Variants in NAT9 observed in about 807,000 individuals in gnomAD.
NAT9 encodes N-acetyltransferase 9.
Under a neutral mutation model 24.0 loss-of-function variants are expected in NAT9, and 18 were observed. That is an observed-to-expected ratio of 0.75 (90% CI 0.52 to 1.11). The LOEUF (loss-of-function observed/expected upper bound fraction) is 1.11. Among genes scored for constraint, NAT9 ranks in the 50% most tolerant of loss-of-function variants. The pLI is 0.00. For missense variants in NAT9, 254 were observed against 258.6 expected, an observed-to-expected ratio of 0.98 and a Z score of 0.12; for synonymous variants, 104 against 102.3, an observed-to-expected ratio of 1.02 and a Z score of -0.10.
intron 5 of NAT9, 23 bp downstream of exon 5, chr17:74,772,195 A>G: frequency 6.2e-7 from 1 of 1,614,136 alleles, no homozygotes. Flanking sequence ...CACTTCCCGC[A>G]TTGTCTGCTC....
intron 4 of NAT9, 112 bp from the exon 5 acceptor site, chr17:74,772,389 T>C: frequency 6.8e-7 from 1 of 1,478,058 alleles, no homozygotes; most frequent in Non-Finnish European, 9.1e-7. Flanking sequence ...CTACTATCAT[T>C]ACCATTCTGC....
At position 74,772,201 on chromosome 17, in the gene NAT9, T is replaced by A. The variant is rs375802839; in HGVS notation, c.394+17A>T. The A allele has an allele frequency of 2.2e-5, 35 of 1,614,126 alleles. No homozygotes were observed. The highest frequency in any genetic ancestry group is 2.9e-5 in the Non-Finnish European group (34 of 1,180,058). On this transcript the variant is annotated intron_variant, in intron 5 of 6. Transcript: ENST00000357814. ...GGGCCTGCCCACTTCCCGCATTGTC[T>A]GCTCACACTTTCTTACCGTAAGACA...
chr17:74,772,206 A>G lies in NAT9; in HGVS notation c.394+12T>C. The G allele has an allele frequency of 6.2e-7, 1 of 1,614,204 alleles. No homozygotes were observed. On this transcript the variant is annotated intron_variant, in intron 5 of 6. Transcript: ENST00000357814. The stretch of plus-strand genomic sequence containing the variant: ...TGCCCACTTCCCGCATTGTCTGCTC[A>G]CACTTTCTTACCGTAAGACAGCATC...
At position 74,772,255 on chromosome 17, in the gene NAT9, G is replaced by A. The variant is rs776975278; in HGVS notation, c.357C>T (p.Gly119=). The part of the protein sequence containing the change: ...MIAEPSCRGK[G]LGTEAVLAML... ...TCGCGAGAACGGCCTCAGTGCCAAG[G>A]CCCTTACCCCTGCAGCTGGGCTCTA... Residue 119 remains glycine (G), a synonymous_variant, in exon 5 of 7, where the codon GGC becomes GGT. Coordinates refer to ENST00000357814, the MANE Select transcript of NAT9 (RefSeq NM_015654.5). 1.2e-6 allele frequency: 2 copies of A among 1,614,128 alleles called. No homozygotes were observed. Among genetic ancestry groups the A allele is most frequent in the African/African-American group, 1.3e-5 (1 of 75,068 alleles).
Position 74,770,974 on chromosome 17 carries a change from G to C in NAT9, c.*750C>G, listed in dbSNP as rs149379969. On this transcript the variant is annotated 3_prime_UTR_variant, in exon 7 of 7. Transcript: ENST00000357814. ...CAGACGTGGGAGCACCAGAGGGACA[G>C]AGCTGATGGCCTGACGCTCTCTTCA... The C allele has an allele frequency of 5.9e-3, 906 of 152,552 alleles. 16 individuals are homozygous for C. The highest frequency in any genetic ancestry group is 0.051 in the South Asian group (248 of 4,832). The allele number at this position is 152,552 out of a possible 1,614,324, so 9.4% of individuals were successfully genotyped here.
intron 2 of NAT9, among the ~76,000 whole-genome samples, chr17:74,774,621 G>C (rs1304879317): frequency 1.3e-5 from 2 of 149,956 alleles, no homozygotes; most frequent in African/African-American, 4.9e-5. Flanking sequence ...CGCGATCTCG[G>C]CTCACTGTAA....
At chr17:74,775,374 A>C (rs2035894089) in intron 2 of NAT9, 1 of 375,796 alleles carries the variant, frequency 2.7e-6, no homozygotes, top group Non-Finnish European at 4.8e-6. Flanking sequence ...TTTTTTGTAG[A>C]GACAAGGTCT....
At position 74,773,558 on chromosome 17, in the gene NAT9, T is replaced by C; in HGVS notation, c.190+18A>G. The C allele has an allele frequency of 6.2e-7, 1 of 1,603,734 alleles. No homozygotes were observed. Among genetic ancestry groups the C allele is most frequent in the Non-Finnish European group, 8.5e-7 (1 of 1,171,988 alleles). On this transcript the variant is annotated intron_variant, in intron 3 of 6. Transcript: ENST00000357814. Reference sequence around the variant, plus strand: ...CTCCCAGTACCAGGGCTAGGGGAAGTGGGGGGGCACTCCTCACTGTCTGCA... The same window carrying C: ...CTCCCAGTACCAGGGCTAGGGGAAGCGGGGGGGCACTCCTCACTGTCTGCA...
chr17:74,772,347 A>G (rs1240781071), intron 4 of NAT9, 70 bp from the exon 5 acceptor site: 2 of 1,575,318 alleles, frequency 1.3e-6, no homozygotes, highest in Non-Finnish European at 1.7e-6. Context: ...GGCAGACACC[A>G]TCTCATTTAA....
rs2035107372 is a variant in NAT9, at chr17:74,770,658, C to T, written c.*1066G>A. On this transcript the variant is annotated 3_prime_UTR_variant, in exon 7 of 7. Transcript: ENST00000357814. ...GGGTGCTGGGAGGCCTTAGGCAAGT[C>T]ACCTTACTTATCTAAGACTGTTTCC... 6.6e-6 allele frequency: 1 copy of T among 152,260 alleles called. No individual in the cohort carries two copies. The highest frequency in any genetic ancestry group is 2.4e-5 in the African/African-American group (1 of 41,456). 9.4% of individuals were successfully genotyped at this position (152,260 alleles called of 1,614,324 possible). A position where few individuals can be genotyped will look rare whatever the true frequency, so the allele number is the denominator to read the frequency against.
At position 74,771,506 on chromosome 17, in the gene NAT9, C is replaced by A. The variant is rs1356524807; in HGVS notation, c.*218G>T. ...CCTAGAGTCTGGGTCTGGGTTTGGC[C>A]GGGAGGGGAGAAGGGAACTGGCCCT... On this transcript the variant is annotated 3_prime_UTR_variant, in exon 7 of 7. Transcript: ENST00000357814. 14 of 693,976 alleles carry A rather than the reference C, an allele frequency of 2.0e-5. No homozygotes were observed. Among genetic ancestry groups the A allele is most frequent in the Admixed American group, 3.0e-5 (1 of 33,640 alleles). The allele number at this position is 693,976 out of a possible 1,614,324, so 43.0% of individuals were successfully genotyped here. A position where few individuals can be genotyped will look rare whatever the true frequency, so the allele number is the denominator to read the frequency against.
rs994560096 is a variant in NAT9 at position 74,771,945 on chromosome 17, C to G, written c.489+15G>C. The stretch of plus-strand genomic sequence containing the variant: ...ACCCAGGTCTAAGCCCCACTCTGCC[C>G]CAGGACATCCTTACCTGCTCAAAGT... On this transcript the variant is annotated intron_variant, in intron 6 of 6. Transcript: ENST00000357814. The G allele has an allele frequency of 2.2e-5, 36 of 1,614,112 alleles. No homozygotes were observed. Among genetic ancestry groups the G allele is most frequent in the Non-Finnish European group, 2.9e-5 (34 of 1,180,022 alleles).
chr17:74,773,498 G>A lies in NAT9; in HGVS notation c.190+78C>T, dbSNP rs1422682255. 2.3e-6 allele frequency: 3 copies of A among 1,300,158 alleles called. No individual in the cohort carries two copies. In the African/African-American group the frequency reaches 4.4e-5, roughly 19 times the overall value. The allele number at this position is 1,300,158 out of a possible 1,614,324, so 80.5% of individuals were successfully genotyped here. The stretch of plus-strand genomic sequence containing the variant: ...AGCTTCTATGGCCGGGGCTGGGAAA[G>A]GGAAGGAACCTGGAGACTGACTGTG... On this transcript the variant is annotated intron_variant, in intron 3 of 6. Transcript: ENST00000357814.
At chr17:74,772,570 C>T (rs1357721854) in intron 4 of NAT9, 4 of 1,403,314 alleles carry the variant, frequency 2.9e-6, no homozygotes, top group East Asian at 2.6e-5. Context: ...AACAGGAGGG[C>T]CTCCTCCTGT....
chr17:74,773,760 C>G, intron 2 of NAT9, 72 bp from the exon 3 acceptor site: 1 of 1,225,576 alleles, frequency 8.2e-7, no homozygotes, highest in Non-Finnish European at 1.2e-6. Flanking sequence ...TATGAGGGTC[C>G]AGAACCAGAC....
rs540237104 is a variant in NAT9 at position 74,772,330 on chromosome 17, G to A, written c.335-53C>T. ...ACGCCGTGTGCCAGGCTCCAGTGCGGGCACTTGGCAGACACCATCTCATTT... is the reference window on the plus strand; with the variant it reads ...ACGCCGTGTGCCAGGCTCCAGTGCGAGCACTTGGCAGACACCATCTCATTT... On this transcript the variant is annotated intron_variant, in intron 4 of 6. Coordinates refer to ENST00000357814, the MANE Select transcript of NAT9 (RefSeq NM_015654.5). 24 of 1,601,552 alleles carry A rather than the reference G, an allele frequency of 1.5e-5. No homozygotes were observed. The African/African-American group carries it at 2.7e-4, about 18-fold the overall frequency.
intron 3 of NAT9, chr17:74,773,312 A>C: frequency 1.7e-6 from 1 of 590,560 alleles, no homozygotes; most frequent in South Asian, 2.1e-5. Context: ...CATGAGGGGC[A>C]GGGCCTCAAT....
At position 74,770,995 on chromosome 17, in the gene NAT9, C is replaced by T. The variant is rs1211107027; in HGVS notation, c.*729G>A. ...GACAGAGCTGATGGCCTGACGCTCT[C>T]TTCAGGAGGGCACCCCCAAGGGGCC... On this transcript the variant is annotated 3_prime_UTR_variant, in exon 7 of 7. Transcript: ENST00000357814. 6.5e-6 allele frequency: 1 copy of T among 152,852 alleles called. No individual in the cohort carries two copies. The highest frequency in any genetic ancestry group is 1.9e-4 in the East Asian group (1 of 5,194). 9.5% of individuals were successfully genotyped at this position (152,852 alleles called of 1,614,324 possible).
At position 74,771,639 on chromosome 17, in the gene NAT9, C is replaced by G. The variant is rs958509356; in HGVS notation, c.*85G>C. The G allele has an allele frequency of 6.4e-7, 1 of 1,570,180 alleles. No individual in the cohort carries two copies. The highest frequency in any genetic ancestry group is 1.4e-5 in the African/African-American group (1 of 74,052). Reference sequence around the variant, plus strand: ...TGATTCCCAGCCTGGGCCAGGAGCACTCTCCCAGTGCAGGGCTCTGGTCTT... The same window carrying G: ...TGATTCCCAGCCTGGGCCAGGAGCAGTCTCCCAGTGCAGGGCTCTGGTCTT... On this transcript the variant is annotated 3_prime_UTR_variant, in exon 7 of 7. Coordinates refer to ENST00000357814, the MANE Select transcript of NAT9 (RefSeq NM_015654.5).
Sources: allele counts gnomAD v4.1 joint callset (sites outside exome capture counted in the v4.1 genomes callset), GRCh38; gene constraint gnomAD v4.1.1; transcripts MANE v1.5; gene names NCBI Gene and HGNC (gene_info 2026-07-23, HGNC 2026-07-21).